SERTAD1: variants seen among roughly 807,000 people sequenced by gnomAD.
SERTAD1 encodes the protein SERTA domain containing 1, also known as SERTA domain-containing protein 1.
SERTAD1 carries 5 observed loss-of-function variants against 11.7 expected under a neutral mutation model. The ratio of observed to expected loss-of-function variants is 0.43; its 90% CI spans 0.22 to 0.90. The LOEUF is 0.90. SERTAD1 is among the 40% of genes least tolerant of loss of function. The pLI is 0.27. For synonymous variants in SERTAD1, 139 were observed against 141.4 expected, an observed-to-expected ratio of 0.98 and a Z score of 0.12; for missense variants, 287 against 313.9, an observed-to-expected ratio of 0.91 and a Z score of 0.65.
At position 40,423,385 on chromosome 19, in the gene SERTAD1, G is replaced by T. The variant is rs763849190; in HGVS notation, c.162C>A (p.His54Gln). 1 of 1,613,456 alleles carries T rather than the reference G, an allele frequency of 6.2e-7. No homozygotes were observed. Among genetic ancestry groups the T allele is most frequent in the Non-Finnish European group, 8.5e-7 (1 of 1,180,026 alleles). ...CCGGCTCACTCTGCTGCAGGCTGTG[G>T]TGGAGCTTGAGCACTGAGAGGTCAA... ...SLFDLSVLKL[H>Q]HSLQQSEPDL... Residue 54 changes from histidine (H) to glutamine (Q), a missense_variant, in exon 2 of 2, where the codon CAC becomes CAA. Transcript: ENST00000357949.
In SERTAD1 at chr19:40,423,017, A is replaced by G. The variant is rs1014025191; in HGVS notation, c.530T>C (p.Ile177Thr). 9.5e-6 allele frequency: 15 copies of G among 1,576,802 alleles called. No individual in the cohort carries two copies. The highest frequency in any genetic ancestry group is 2.3e-5 in the East Asian group (1 of 42,998). ...DDGLEGLFED[I>T]DTSMYDNELW... ...TTCATTGTCATACATAGAGGTGTCA[A>G]TATCCTCAAACAGGCCCTCAAGCCC... is the stretch of plus-strand genomic sequence containing the variant. Residue 177 changes from isoleucine to threonine, a missense_variant, in exon 2 of 2, where the codon ATT becomes ACT. By Grantham distance (89) the Ile-to-Thr change is moderately conservative. Transcript: ENST00000357949.
rs2079599394 is a variant in SERTAD1 at position 40,421,893 on chromosome 19, A to T, written c.*943T>A. The T allele has an allele frequency of 6.6e-6, 1 of 152,060 alleles. No homozygotes were observed. Among genetic ancestry groups the T allele is most frequent in the Non-Finnish European group, 1.5e-5 (1 of 68,028 alleles). The allele number at this position is 152,060 out of a possible 1,614,324, so 9.4% of individuals were successfully genotyped here. A position where few individuals can be genotyped will look rare whatever the true frequency, so the allele number is the denominator to read the frequency against. The stretch of plus-strand genomic sequence containing the variant: ...GCCAGGCACAGTGGCTCACGCCTGT[A>T]ATCCCAGCACTTTGGGAGGCTGAGG... On this transcript the variant is annotated 3_prime_UTR_variant, in exon 2 of 2. Transcript: ENST00000357949.
At position 40,422,818 on chromosome 19, in the gene SERTAD1, C is replaced by A; in HGVS notation, c.*18G>T. The A allele has an allele frequency of 6.4e-7, 1 of 1,570,394 alleles. No homozygotes were observed. The highest frequency in any genetic ancestry group is 2.3e-4 in the Middle Eastern group (1 of 4,376). On this transcript the variant is annotated 3_prime_UTR_variant, in exon 2 of 2. Coordinates refer to ENST00000357949, the MANE Select transcript of SERTAD1 (RefSeq NM_013376.4). ...CAGGCTCAGTTCAGATACCAGACAA[C>A]CATTCCAGCACGAGGGCTCAGCGCC...
At position 40,423,462 on chromosome 19, in the gene SERTAD1, C is replaced by T; in HGVS notation, c.85G>A (p.Gly29Ser). The T allele has an allele frequency of 1.9e-6, 3 of 1,613,040 alleles. No individual in the cohort carries two copies. The highest frequency in any genetic ancestry group is 2.5e-6 in the Non-Finnish European group (3 of 1,180,024). ...LAVDSWWLDP[G>S]HTAVAQAPPA... ...GGTGCCTGTGCCACCGCTGTGTGGC[C>T]AGGATCTAGCCACCAGGAGTCGACT... is the stretch of plus-strand genomic sequence containing the variant. The change falls in exon 2 of 2, where the codon GGC (glycine) becomes AGC (serine). Residue 29 changes from glycine (G) to serine (S), a missense_variant. Gly to Ser is a moderately conservative substitution (Grantham distance 56). Transcript: ENST00000357949.
chr19:40,422,899 G>C lies in SERTAD1; in HGVS notation c.648C>G (p.Asp216Glu). The C allele has an allele frequency of 6.2e-7, 1 of 1,613,448 alleles. No homozygotes were observed. The highest frequency in any genetic ancestry group is 8.5e-7 in the Non-Finnish European group (1 of 1,179,824). ...EAPELDEAEL[D>E]YLMDVLVGTQ... is the part of the protein sequence containing the mutation. The stretch of plus-strand genomic sequence containing the variant: ...TGCCCACCAGCACATCCATGAGGTA[G>C]TCCAATTCGGCCTCGTCCAGCTCCG... Residue 216 changes from aspartate (D) to glutamate (E), a missense_variant, in exon 2 of 2, where the codon GAC (aspartate) becomes GAG (glutamate). Transcript: ENST00000357949.
At chr19:40,424,271 C>T (rs931356514) in intron 1 of SERTAD1, among the ~76,000 whole-genome samples, 2 of 151,884 alleles carry the variant, frequency 1.3e-5, no homozygotes, top group Non-Finnish European at 2.9e-5. Flanking sequence ...CCTCCTTCCT[C>T]AGCCTCCCAA....
In SERTAD1 at chr19:40,423,131, C is replaced by T; in HGVS notation, c.416G>A (p.Gly139Glu). The T allele has an allele frequency of 6.2e-7, 1 of 1,602,252 alleles. No homozygotes were observed. Among genetic ancestry groups the T allele is most frequent in the Non-Finnish European group, 8.5e-7 (1 of 1,175,020 alleles). The change falls in exon 2 of 2, where the codon GGG (glycine) becomes GAG (glutamate). Residue 139 changes from glycine to glutamate, a missense_variant. Transcript: ENST00000357949. Reference sequence around the variant, plus strand: ...TCCCCCGATGCTACGGCCTGGTGGCCCCTCGTCTGCCAAGGGTTGGGGAGC... The same window carrying T: ...TCCCCCGATGCTACGGCCTGGTGGCTCCTCGTCTGCCAAGGGTTGGGGAGC... ...SQAPQPLADE[G>E]PPGRSIGGAA...
In SERTAD1 at chr19:40,423,484, G is replaced by T; in HGVS notation, c.63C>A (p.Val21=). 1 of 1,612,748 alleles carries T rather than the reference G, an allele frequency of 6.2e-7. No homozygotes were observed. Among genetic ancestry groups the T allele is most frequent in the Non-Finnish European group, 8.5e-7 (1 of 1,179,938 alleles). The change falls in exon 2 of 2, where the codon GTC becomes GTA. Residue 21 remains valine, a synonymous_variant. Transcript: ENST00000357949. ...GGCCAGGATCTAGCCACCAGGAGTCGACTGCCAGAGGTTCCTTCTCCTCCT... is the reference window on the plus strand; with the variant it reads ...GGCCAGGATCTAGCCACCAGGAGTCTACTGCCAGAGGTTCCTTCTCCTCCT... The part of the protein sequence containing the change: ...EEEEEKEPLA[V]DSWWLDPGHT...
In SERTAD1 at chr19:40,424,698, A is replaced by G. The variant is rs1047032008; in HGVS notation, c.1-1152T>C. ...GAGACCCTGGGAAAAGCATTCCGGG[A>G]GGAGGGAACAACAAAAAAAGGCAGA... On this transcript the variant is annotated intron_variant, in intron 1 of 1. Transcript: ENST00000357949. Among the ~76,000 whole-genome samples the G allele has an allele frequency of 5.3e-5, 8 of 152,290 alleles. No individual in the cohort carries two copies. In the East Asian group the frequency reaches 9.6e-4, roughly 18 times the overall value.
chr19:40,424,086 G>A (rs2079608245), intron 1 of SERTAD1, among the ~76,000 whole-genome samples: 1 of 151,338 alleles, frequency 6.6e-6, no homozygotes, highest in South Asian at 2.1e-4. Flanking sequence ...TTTTTTATCT[G>A]AAAAAATAAA....
At chr19:40,424,841 G>A (rs2079610676) in intron 1 of SERTAD1, among the ~76,000 whole-genome samples, 1 of 152,258 alleles carries the variant, frequency 6.6e-6, no homozygotes, top group Non-Finnish European at 1.5e-5. Flanking sequence ...GCACAAGCCA[G>A]GTCACAGAAA....
At position 40,422,924 on chromosome 19, in the gene SERTAD1, G is replaced by A. The variant is rs372247621; in HGVS notation, c.623C>T (p.Pro208Leu). The change falls in exon 2 of 2, where the codon CCG (proline) becomes CTG (leucine). Residue 208 changes from proline to leucine, a missense_variant. Coordinates refer to ENST00000357949, the MANE Select transcript of SERTAD1 (RefSeq NM_013376.4). The stretch of plus-strand genomic sequence containing the variant: ...GTCCAATTCGGCCTCGTCCAGCTCC[G>A]GAGCTTCCTCCTTGCCCGGCCCATC... Reference protein sequence around the residue: ...PEDGPGKEEAPELDEAELDYL... With the variant: ...PEDGPGKEEALELDEAELDYL... 50 of 1,612,254 alleles carry A rather than the reference G, an allele frequency of 3.1e-5. No individual in the cohort carries two copies. The highest frequency in any genetic ancestry group is 4.0e-5 in the Non-Finnish European group (47 of 1,179,298).
In SERTAD1 at chr19:40,422,925, G is replaced by T; in HGVS notation, c.622C>A (p.Pro208Thr). The part of the protein sequence containing the change: ...PEDGPGKEEA[P>T]ELDEAELDYL... ...TCCAATTCGGCCTCGTCCAGCTCCG[G>T]AGCTTCCTCCTTGCCCGGCCCATCC... The change falls in exon 2 of 2, where the codon CCG (proline) becomes ACG (threonine). Residue 208 changes from proline to threonine, a missense_variant. Transcript: ENST00000357949. 1 of 1,612,386 alleles carries T rather than the reference G, an allele frequency of 6.2e-7. No individual in the cohort carries two copies. Among genetic ancestry groups the T allele is most frequent in the Non-Finnish European group, 8.5e-7 (1 of 1,179,304 alleles).
At position 40,425,913 on chromosome 19, in the gene SERTAD1, C is replaced by T. The variant is rs1380788939; in HGVS notation, c.-47G>A. 1 of 152,318 alleles carries T rather than the reference C, an allele frequency of 6.6e-6. No individual in the cohort carries two copies. Among genetic ancestry groups the T allele is most frequent in the Non-Finnish European group, 1.5e-5 (1 of 68,086 alleles). The allele number at this position is 152,318 out of a possible 1,614,324, so 9.4% of individuals were successfully genotyped here. ...AGAACGAAGAGGTAGCCACCCACAACCAATCAGGAAACGGCGGCGGCAGCA... is the reference window on the plus strand; with the variant it reads ...AGAACGAAGAGGTAGCCACCCACAATCAATCAGGAAACGGCGGCGGCAGCA... On this transcript the variant is annotated 5_prime_UTR_variant, in exon 1 of 2. It introduces an in-frame stop codon into an upstream open reading frame of the 5' UTR. Coordinates refer to ENST00000357949, the MANE Select transcript of SERTAD1 (RefSeq NM_013376.4).
rs1437627946 is a variant in SERTAD1, at chr19:40,422,251, A to G, written c.*585T>C. On this transcript the variant is annotated 3_prime_UTR_variant, in exon 2 of 2. Transcript: ENST00000357949. ...AACCTGGGTGACAGAGCGAGACCCT[A>G]TCTCAAAAAAAAAAAAAAAAAAGTT... 6.9e-6 allele frequency: 1 copy of G among 145,116 alleles called. No homozygotes were observed. The highest frequency in any genetic ancestry group is 1.5e-5 in the Non-Finnish European group (1 of 65,438). 9.0% of individuals were successfully genotyped at this position (145,116 alleles called of 1,614,324 possible).
chr19:40,425,412 C>T (rs979547108), intron 1 of SERTAD1, among the ~76,000 whole-genome samples: 4 of 152,212 alleles, frequency 2.6e-5, no homozygotes, highest in Admixed American at 2.0e-4. Flanking sequence ...CCCCCACCCC[C>T]GACTCCGCCC....
chr19:40,423,663 C>T, intron 1 of SERTAD1, 117 bp from the exon 2 acceptor site: 1 of 620,260 alleles, frequency 1.6e-6, no homozygotes, highest in East Asian at 2.8e-5. Flanking sequence ...CTTAACCTCT[C>T]TGTGCCTAGC....
Position 40,423,217 on chromosome 19 carries a change from G to T in SERTAD1, c.330C>A (p.Ala110=). Residue 110 remains alanine (A), a synonymous_variant, in exon 2 of 2, where the codon GCC becomes GCA. Coordinates refer to ENST00000357949, the MANE Select transcript of SERTAD1 (RefSeq NM_013376.4). ...GGAGGCTGGCCATGGAGGCTGAAAG[G>T]GCAGCGTCCGAGCTTGCCAGTAAGT... is the stretch of plus-strand genomic sequence containing the variant. ...ADNLLASSDA[A]LSASMASLLE... The T allele has an allele frequency of 6.2e-7, 1 of 1,602,054 alleles. No homozygotes were observed. Among genetic ancestry groups the T allele is most frequent in the Non-Finnish European group, 8.5e-7 (1 of 1,172,798 alleles).
chr19:40,423,483 C>G lies in SERTAD1; in HGVS notation c.64G>C (p.Asp22His). ...EEEEKEPLAVDSWWLDPGHTA... is the reference protein window; with the variant it reads ...EEEEKEPLAVHSWWLDPGHTA... ...TGGCCAGGATCTAGCCACCAGGAGT[C>G]GACTGCCAGAGGTTCCTTCTCCTCC... Residue 22 changes from aspartate to histidine, a missense_variant, in exon 2 of 2, where the codon GAC becomes CAC. Transcript: ENST00000357949. 1 of 1,612,750 alleles carries G rather than the reference C, an allele frequency of 6.2e-7. No individual in the cohort carries two copies. Among genetic ancestry groups the G allele is most frequent in the East Asian group, 2.2e-5 (1 of 44,890 alleles).
Sources: gnomAD v4.1 joint callset for allele counts (sites outside exome capture counted in the v4.1 genomes callset) on GRCh38, gnomAD v4.1.1 for gene constraint, MANE v1.5 for transcripts, NCBI Gene and HGNC (gene_info 2026-07-23, HGNC 2026-07-21) for gene names.